The following TRPC6 variants were observed in gnomAD, a reference collection of about 807,000 sequenced individuals.
TRPC6 encodes transient receptor potential cation channel subfamily C member 6.
TRPC6 carries 55 observed loss-of-function variants against 90.7 expected under a neutral mutation model. That is an observed-to-expected ratio of 0.61 (90% confidence interval 0.49 to 0.76). TRPC6 has a LOEUF of 0.76. TRPC6 is among the 30% of genes least tolerant of loss of function. TRPC6 has a pLI of 0.00. For missense variants in TRPC6, 989 were observed against 1,122.7 expected (o/e 0.88, Z 1.70); for synonymous variants, 393 against 393.0 (o/e 1.00, Z 0.00).
chr11:101,573,810 C>T lies in TRPC6; in HGVS notation c.170+9524G>A, dbSNP rs544108082. ...CGTGACATAGTTTTCATCATCAGTG[C>T]ATGTGCCAACATTAATAACAATGGC... is the stretch of plus-strand genomic sequence containing the variant. On this transcript the variant is annotated intron_variant, in intron 1 of 12. Transcript: ENST00000344327. Among the ~76,000 whole-genome samples, 3 of 151,984 alleles carry T rather than the reference C, an allele frequency of 2.0e-5. No individual in the cohort carries two copies. The South Asian group carries it at 6.2e-4, about 31-fold the overall frequency.
intron 1 of TRPC6, among the ~76,000 whole-genome samples, chr11:101,530,102 G>A (rs1388879701): frequency 6.6e-6 from 1 of 152,074 alleles, no homozygotes; most frequent in Non-Finnish European, 1.5e-5. Flanking sequence ...CCCTCATCTA[G>A]TCTGAGACCA....
At chr11:101,574,578 C>T (rs552361768) in intron 1 of TRPC6, among the ~76,000 whole-genome samples, 2 of 151,192 alleles carry the variant, frequency 1.3e-5, no homozygotes, top group South Asian at 4.2e-4. Context: ...AGATGGAATA[C>T]AGTGTCTGGC....
intron 11 of TRPC6, 26 bp from the exon 12 acceptor site, chr11:101,453,751 T>G (rs1248933972): frequency 6.3e-7 from 1 of 1,599,784 alleles, no homozygotes; most frequent in Non-Finnish European, 8.6e-7. Flanking sequence ...AGGAGAAATC[T>G]ATGTCAGTTT....
At chr11:101,502,077 A>T (rs1232211096) in intron 2 of TRPC6, among the ~76,000 whole-genome samples, 1 of 152,170 alleles carries the variant, frequency 6.6e-6, no homozygotes, top group African/African-American at 2.4e-5. Context: ...AAATGGGCGG[A>T]AAGTGGCTAA....
At chr11:101,506,545 C>CA (rs1389645622) in intron 1 of TRPC6, among the ~76,000 whole-genome samples, 4 of 152,130 alleles carry the variant, frequency 2.6e-5, no homozygotes, top group Non-Finnish European at 5.9e-5. Flanking sequence ...CATAGATTTT[C>CA]ATTCAACAGT....
At chr11:101,459,634 TATTTC>T (rs1464718243) in intron 10 of TRPC6, among the ~76,000 whole-genome samples, 1 of 152,212 alleles carries the variant, frequency 6.6e-6, no homozygotes, top group Non-Finnish European at 1.5e-5. Flanking sequence ...AAAATAAAAT[TATTTC>T]ATTTGATAGA....
chr11:101,467,733 C>T (rs970986224), intron 10 of TRPC6, among the ~76,000 whole-genome samples: 7 of 152,120 alleles, frequency 4.6e-5, no homozygotes, highest in Admixed American at 4.6e-4. Context: ...TGGTCTCTCT[C>T]ACATATCCTT....
chr11:101,462,965 T>G (rs191911634), intron 10 of TRPC6, among the ~76,000 whole-genome samples: 11 of 152,328 alleles, frequency 7.2e-5, no homozygotes, highest in Non-Finnish European at 8.8e-5. Context: ...TAGCTCTTAT[T>G]ATTTTAAGAT....
At chr11:101,494,146 ACT>A (rs1859890377) in intron 2 of TRPC6, among the ~76,000 whole-genome samples, 2 of 152,268 alleles carry the variant, frequency 1.3e-5, no homozygotes, top group African/African-American at 4.8e-5. Flanking sequence ...ATGCGGACGA[ACT>A]CTTAGATTTG....
intron 1 of TRPC6, among the ~76,000 whole-genome samples, chr11:101,531,680 C>A (rs1017761272): frequency 6.6e-6 from 1 of 152,218 alleles, no homozygotes; most frequent in African/African-American, 2.4e-5. Flanking sequence ...TTACTGCCTA[C>A]CATATTTTCA....
chr11:101,528,021 C>T (rs767060654), intron 1 of TRPC6, among the ~76,000 whole-genome samples: 1 of 151,938 alleles, frequency 6.6e-6, no homozygotes, highest in Non-Finnish European at 1.5e-5. Flanking sequence ...TGCAATGAGC[C>T]GAGATCGTGC....
At position 101,491,783 on chromosome 11, in the gene TRPC6, C is replaced by T. The variant is rs565696780; in HGVS notation, c.946-45G>A. On this transcript the variant is annotated intron_variant, in intron 2 of 12. Coordinates refer to ENST00000344327, the MANE Select transcript of TRPC6 (RefSeq NM_004621.6). ...ACAAAAGCAATAATGGAGAATACCA[C>T]GTTTTACTATGCTTCAGAGACTTGA... 6 of 1,533,134 alleles carry T rather than the reference C, an allele frequency of 3.9e-6. No individual in the cohort carries two copies. In the East Asian group the frequency reaches 6.9e-5, roughly 18 times the overall value. 95.0% of individuals were successfully genotyped at this position (1,533,134 alleles called of 1,614,324 possible).
intron 8 of TRPC6, 128 bp downstream of exon 8, chr11:101,472,009 C>T (rs937053549): frequency 1.0e-4 from 96 of 954,688 alleles, no homozygotes; most frequent in African/African-American, 2.6e-4. Context: ...ACTGGTCAAA[C>T]GAGTGTATAA....
intron 2 of TRPC6, among the ~76,000 whole-genome samples, chr11:101,495,771 T>C (rs750807107): frequency 6.6e-6 from 1 of 152,064 alleles, no homozygotes. Flanking sequence ...ATTATTCATA[T>C]ATTTTCACAA....
chr11:101,469,939 C>T (rs1454028384), intron 9 of TRPC6, among the ~76,000 whole-genome samples: 1 of 152,166 alleles, frequency 6.6e-6, no homozygotes, highest in Non-Finnish European at 1.5e-5. Context: ...TCACATATTA[C>T]AGTTGAGGAA....
chr11:101,496,385 A>G (rs981562823), intron 2 of TRPC6, among the ~76,000 whole-genome samples: 2 of 152,182 alleles, frequency 1.3e-5, no homozygotes, highest in African/African-American at 4.8e-5. Context: ...TTGTCACCAG[A>G]TGGCACACTG....
chr11:101,527,875 C>T (rs964432953), intron 1 of TRPC6, among the ~76,000 whole-genome samples: 1 of 151,922 alleles, frequency 6.6e-6, no homozygotes, highest in Non-Finnish European at 1.5e-5. Context: ...AGTTAGAGAC[C>T]AGCCTGGCCA....
chr11:101,568,045 A>G (rs1861875622), intron 1 of TRPC6, among the ~76,000 whole-genome samples: 1 of 152,214 alleles, frequency 6.6e-6, no homozygotes, highest in Admixed American at 6.5e-5. Context: ...AATAGGCTTC[A>G]GAAGGTGGGT....
At chr11:101,523,838 C>G (rs534711707) in intron 1 of TRPC6, among the ~76,000 whole-genome samples, 3 of 152,240 alleles carry the variant, frequency 2.0e-5, no homozygotes, top group Admixed American at 6.5e-5. Context: ...TAAAATTTTT[C>G]TATTATTGCA....
Sources: allele counts gnomAD v4.1 joint callset (sites outside exome capture counted in the v4.1 genomes callset), GRCh38; gene constraint gnomAD v4.1.1; transcripts MANE v1.5; gene names NCBI Gene and HGNC (gene_info 2026-07-23, HGNC 2026-07-21).